The following RBM19 variants were observed in gnomAD, a reference collection of about 807,000 sequenced individuals.
The protein encoded by RBM19 is RNA binding motif protein 19.
Under a neutral mutation model 116.8 loss-of-function variants are expected in RBM19, and 94 were observed. That is an observed-to-expected ratio of 0.80 (90% CI 0.68 to 0.95). RBM19 has a LOEUF of 0.95. Ranked by LOEUF, RBM19 falls within the 40% of genes least tolerant of loss-of-function variation. The probability of loss-of-function intolerance (pLI) is 0.00; values close to 1 mark genes in which losing one functional copy is unlikely to be tolerated. For synonymous variants in RBM19, 475 were observed against 494.1 expected (o/e 0.96, Z 0.51); for missense variants, 1,161 against 1,220.7 (o/e 0.95, Z 0.73).
intron 23 of RBM19, among the ~76,000 whole-genome samples, chr12:113,828,137 G>A (rs1362285041): frequency 6.6e-6 from 1 of 151,154 alleles, no homozygotes; most frequent in South Asian, 2.1e-4. Flanking sequence ...CAATGGGATG[G>A]AGCAGGGCCT....
chr12:113,924,952 T>G (rs1459589715), intron 17 of RBM19, among the ~76,000 whole-genome samples, 195 bp from the exon 18 acceptor site: 1 of 152,148 alleles, frequency 6.6e-6, no homozygotes, highest in Non-Finnish European at 1.5e-5. Flanking sequence ...CAGCTGGGCT[T>G]GTTTCTCATT....
At chr12:113,881,703 TAACA>T (rs1465082793) in intron 21 of RBM19, among the ~76,000 whole-genome samples, 1 of 152,350 alleles carries the variant, frequency 6.6e-6, no homozygotes, top group African/African-American at 2.4e-5. Flanking sequence ...CCATCTCTGC[TAACA>T]AACACTTTGG....
At chr12:113,911,499 G>A (rs1027875435) in intron 21 of RBM19, among the ~76,000 whole-genome samples, 6 of 152,036 alleles carry the variant, frequency 3.9e-5, no homozygotes, top group South Asian at 4.1e-4. Flanking sequence ...TTCAAACCCT[G>A]GGTTCAAATC....
chr12:113,925,628 C>A (rs1396600516), intron 17 of RBM19, among the ~76,000 whole-genome samples: 1 of 152,178 alleles, frequency 6.6e-6, no homozygotes, highest in South Asian at 2.1e-4. Flanking sequence ...GGCTCTTCCC[C>A]GCAGGGCCTC....
chr12:113,845,161 C>G (rs1876850889), intron 22 of RBM19, among the ~76,000 whole-genome samples: 1 of 152,182 alleles, frequency 6.6e-6, no homozygotes, highest in African/African-American at 2.4e-5. Flanking sequence ...CGAGCCCTGG[C>G]CGGCTGCTGG....
chr12:113,858,129 A>G (rs947214112), intron 22 of RBM19, among the ~76,000 whole-genome samples: 9 of 152,234 alleles, frequency 5.9e-5, no homozygotes, highest in African/African-American at 2.2e-4. Flanking sequence ...TTGTTCACAC[A>G]GCCTCTGCCC....
intron 10 of RBM19, among the ~76,000 whole-genome samples, chr12:113,948,417 T>C (rs1871218151): frequency 6.6e-6 from 1 of 152,180 alleles, no homozygotes. Flanking sequence ...AGACTTTACA[T>C]AATTAAGAGT....
At chr12:113,863,081 G>A (rs189947749) in intron 21 of RBM19, among the ~76,000 whole-genome samples, 3 of 152,050 alleles carry the variant, frequency 2.0e-5, no homozygotes, top group Admixed American at 6.5e-5. Flanking sequence ...AAGGGAGGAG[G>A]GGGGAGGAGG....
At chr12:113,854,889 G>A (rs902347282) in intron 22 of RBM19, among the ~76,000 whole-genome samples, 1 of 152,212 alleles carries the variant, frequency 6.6e-6, no homozygotes, top group Non-Finnish European at 1.5e-5. Context: ...AGGTTGGGGT[G>A]GGGCAGTGCG....
At chr12:113,924,618 T>G in intron 18 of RBM19, 79 bp downstream of exon 18, 2 of 1,279,046 alleles carry the variant, frequency 1.6e-6, no homozygotes, top group Non-Finnish European at 2.3e-6. Context: ...CCCAACCCCT[T>G]GTCTGAAGCT....
intron 21 of RBM19, among the ~76,000 whole-genome samples, chr12:113,906,586 T>C (rs1882060408): frequency 6.6e-6 from 1 of 152,118 alleles, no homozygotes; most frequent in South Asian, 2.1e-4. Context: ...GCTTAGGATC[T>C]GTGCACTTTT....
At chr12:113,845,940 C>T (rs1208504327) in intron 22 of RBM19, among the ~76,000 whole-genome samples, 1 of 152,190 alleles carries the variant, frequency 6.6e-6, no homozygotes, top group South Asian at 2.1e-4. Context: ...ATCCATAAAA[C>T]GGGTATGTTC....
intron 22 of RBM19, among the ~76,000 whole-genome samples, chr12:113,857,322 C>T (rs945937309): frequency 6.6e-6 from 1 of 152,252 alleles, no homozygotes; most frequent in Non-Finnish European, 1.5e-5. Context: ...GAGTACCCAC[C>T]ACATGCCAGG....
chr12:113,943,170 T>C (rs1870726147), intron 13 of RBM19, among the ~76,000 whole-genome samples: 1 of 152,202 alleles, frequency 6.6e-6, no homozygotes, highest in Non-Finnish European at 1.5e-5. Context: ...TCCCTTGGCT[T>C]TTCTGTTCTC....
chr12:113,829,988 C>T (rs1046355775), intron 23 of RBM19, among the ~76,000 whole-genome samples: 1 of 152,176 alleles, frequency 6.6e-6, no homozygotes, highest in Admixed American at 6.5e-5. Context: ...GAAATTCCAC[C>T]AGCTAGGCAA....
At chr12:113,846,641 C>G (rs1456980420) in intron 22 of RBM19, among the ~76,000 whole-genome samples, 7 of 152,166 alleles carry the variant, frequency 4.6e-5, no homozygotes, top group Admixed American at 4.6e-4. Context: ...CAGGATTTCC[C>G]TCGGAAGGAA....
At position 113,822,751 on chromosome 12, in the gene RBM19, A is replaced by G. The variant is rs1874515698; in HGVS notation, c.*473T>C. On this transcript the variant is annotated 3_prime_UTR_variant, in exon 24 of 24. Coordinates refer to ENST00000261741, the MANE Select transcript of RBM19 (RefSeq NM_016196.4). Reference sequence around the variant, plus strand: ...CTTATGAAGTAAGAACTAGCTAGCAAGGGGAAGGCTGGGCCCAAGGAGATA... The same window carrying G: ...CTTATGAAGTAAGAACTAGCTAGCAGGGGGAAGGCTGGGCCCAAGGAGATA... The G allele has an allele frequency of 6.3e-6, 1 of 159,550 alleles. No individual in the cohort carries two copies. Among genetic ancestry groups the G allele is most frequent in the African/African-American group, 2.4e-5 (1 of 41,518 alleles). The allele number at this position is 159,550 out of a possible 1,614,324, so 9.9% of individuals were successfully genotyped here. A position where few individuals can be genotyped will look rare whatever the true frequency, so the allele number is the denominator to read the frequency against.
chr12:113,946,483 G>A lies in RBM19; in HGVS notation c.1408-8C>T, dbSNP rs759663308. ...CACGTGGAGCATCCTGCCCTGGATGGGAATGACGGGAAGGGAGTAAACAGA... is the reference window on the plus strand; with the variant it reads ...CACGTGGAGCATCCTGCCCTGGATGAGAATGACGGGAAGGGAGTAAACAGA... On this transcript the variant is annotated splice_polypyrimidine_tract_variant and splice_region_variant and intron_variant, in intron 11 of 23. Transcript: ENST00000261741. 6.2e-7 allele frequency: 1 copy of A among 1,614,136 alleles called. No individual in the cohort carries two copies. The highest frequency in any genetic ancestry group is 8.5e-7 in the Non-Finnish European group (1 of 1,180,008).
chr12:113,881,949 C>G (rs12579950), intron 21 of RBM19, among the ~76,000 whole-genome samples: 1 of 152,172 alleles, frequency 6.6e-6, no homozygotes. Flanking sequence ...GGGGTGCACA[C>G]GCACCCTGAC....
Sources: gnomAD v4.1 joint callset for allele counts (sites outside exome capture counted in the v4.1 genomes callset) on GRCh38, gnomAD v4.1.1 for gene constraint, MANE v1.5 for transcripts, NCBI Gene and HGNC (gene_info 2026-07-23, HGNC 2026-07-21) for gene names.